Variants in CTNNA3 observed in about 807,000 individuals in gnomAD.
CTNNA3 encodes the protein catenin alpha-3.
Under a neutral mutation model 95.7 loss-of-function variants are expected in CTNNA3, and 76 were observed. The ratio of observed to expected loss-of-function variants is 0.79; its 90% CI spans 0.66 to 0.96. The LOEUF (loss-of-function observed/expected upper bound fraction) is 0.96, where lower values mean the gene tolerates loss of function less well. Among genes scored for constraint, CTNNA3 ranks in the 40% least tolerant of loss-of-function variants. The probability of loss-of-function intolerance (pLI) is 0.00; values close to 1 mark genes in which losing one functional copy is unlikely to be tolerated. For synonymous variants in CTNNA3, 431 were observed against 374.4 expected, an observed-to-expected ratio of 1.15 and a Z score of -1.74; for missense variants, 1,191 against 1,089.8, an observed-to-expected ratio of 1.09 and a Z score of -1.31.
intron 5 of CTNNA3, among the ~76,000 whole-genome samples, chr10:67,474,165 T>C (rs1389679522): frequency 2.0e-5 from 3 of 152,184 alleles, no homozygotes; most frequent in African/African-American, 7.2e-5. Flanking sequence ...TCTATATACT[T>C]CAGGTATATG....
chr10:67,383,824 G>A (rs910662979), intron 5 of CTNNA3, among the ~76,000 whole-genome samples: 1 of 152,158 alleles, frequency 6.6e-6, no homozygotes, highest in Non-Finnish European at 1.5e-5. Flanking sequence ...AAACAGTGAC[G>A]TTTACTAGAA....
intron 5 of CTNNA3, among the ~76,000 whole-genome samples, chr10:67,318,876 A>G (rs1427497623): frequency 2.6e-5 from 4 of 152,214 alleles, no homozygotes; most frequent in Non-Finnish European, 4.4e-5. Context: ...AAAACTTAAC[A>G]TAGCAGACCT....
intron 13 of CTNNA3, among the ~76,000 whole-genome samples, chr10:66,150,368 C>T (rs1295597465): frequency 6.6e-6 from 1 of 152,140 alleles, no homozygotes; most frequent in Non-Finnish European, 1.5e-5. Context: ...TAAGCCTCTA[C>T]TTTTGGAAAT....
chr10:66,234,512 C>A (rs1379010512), intron 13 of CTNNA3, among the ~76,000 whole-genome samples: 1 of 152,072 alleles, frequency 6.6e-6, no homozygotes, highest in Non-Finnish European at 1.5e-5. Context: ...TTATGCACCC[C>A]ACATACATAA....
chr10:65,993,072 T>C (rs10996812), intron 15 of CTNNA3, among the ~76,000 whole-genome samples: 40,481 of 152,080 alleles, frequency 0.27, 5,915 homozygotes, highest in Non-Finnish European at 0.33. Flanking sequence ...TTTTACTCAT[T>C]TCTAGTTTTA....
At chr10:66,533,249 T>C (rs554838623) in intron 10 of CTNNA3, among the ~76,000 whole-genome samples, 1 of 152,284 alleles carries the variant, frequency 6.6e-6, no homozygotes, top group East Asian at 1.9e-4. Context: ...CTTTTCTTTC[T>C]GTAGGGATTT....
At chr10:65,948,041 G>C (rs2077546360) in intron 17 of CTNNA3, among the ~76,000 whole-genome samples, 2 of 152,162 alleles carry the variant, frequency 1.3e-5, no homozygotes, top group African/African-American at 4.8e-5. Context: ...ACTTTGGGAG[G>C]CCAAGGTGGG....
At chr10:67,005,875 A>G (rs113258169) in intron 7 of CTNNA3, among the ~76,000 whole-genome samples, 2,467 of 151,566 alleles carry the variant, frequency 0.016, 86 homozygotes, top group African/African-American at 0.056. Context: ...TAGTAGAGGC[A>G]GGGTATCACC....
At position 66,254,355 on chromosome 10, in the gene CTNNA3, A is replaced by G. The variant is rs1589861792; in HGVS notation, c.1884+26115T>C. 3.3e-5 allele frequency among the ~76,000 whole-genome samples: 5 copies of G among 152,198 alleles called. 1 individual carries two copies. The South Asian group carries it at 1.0e-3, about 32-fold the overall frequency. On this transcript the variant is annotated intron_variant, in intron 13 of 17. Coordinates refer to ENST00000433211, the MANE Select transcript of CTNNA3 (RefSeq NM_013266.4). ...ATCTCTGGAATGTATGCATATTGAA[A>G]CTCATTGTGCAACCCTTGCTGACAT...
chr10:67,128,667 T>A (rs1397485461), intron 7 of CTNNA3, among the ~76,000 whole-genome samples: 1 of 152,136 alleles, frequency 6.6e-6, no homozygotes, highest in Admixed American at 6.6e-5. Flanking sequence ...TTGGCAAAGG[T>A]TTGGGCATTA....
intron 11 of CTNNA3, among the ~76,000 whole-genome samples, chr10:66,461,954 A>G (rs2093532896): frequency 6.6e-6 from 1 of 151,518 alleles, no homozygotes; most frequent in African/African-American, 2.4e-5. Flanking sequence ...CTGGGATTAC[A>G]GGTGCGTGCC....
intron 16 of CTNNA3, among the ~76,000 whole-genome samples, chr10:65,984,299 G>A (rs1366208844): frequency 6.6e-6 from 1 of 151,080 alleles, no homozygotes; most frequent in African/African-American, 2.4e-5. Flanking sequence ...TGCCTAAAAT[G>A]TCTTAATCTA....
chr10:66,389,910 AT>A (rs2092922998), intron 11 of CTNNA3, among the ~76,000 whole-genome samples: 1 of 151,958 alleles, frequency 6.6e-6, no homozygotes, highest in African/African-American at 2.4e-5. Context: ...GGCTGTTTTA[AT>A]TTTTTATAGA....
chr10:66,705,236 C>T (rs1336598527), intron 9 of CTNNA3, among the ~76,000 whole-genome samples: 3 of 151,864 alleles, frequency 2.0e-5, no homozygotes, highest in African/African-American at 7.3e-5. Context: ...ATATGTTAAG[C>T]TTTTAGATAC....
intron 15 of CTNNA3, among the ~76,000 whole-genome samples, chr10:66,063,296 A>ATCTC (rs200628758): frequency 4.2e-4 from 52 of 124,274 alleles, no homozygotes; most frequent in African/African-American, 1.4e-3. Flanking sequence ...GTATGTATAA[A>ATCTC]TCTCTCTCTC....
intron 9 of CTNNA3, among the ~76,000 whole-genome samples, chr10:66,702,777 T>C (rs1210140332): frequency 1.4e-5 from 2 of 148,102 alleles, no homozygotes; most frequent in African/African-American, 5.1e-5. Context: ...ATCGTCGTCG[T>C]CGTTGTCGTC....
intron 10 of CTNNA3, among the ~76,000 whole-genome samples, chr10:66,551,254 G>A (rs1405105001): frequency 1.3e-5 from 2 of 152,106 alleles, no homozygotes; most frequent in African/African-American, 4.8e-5. Flanking sequence ...CGGCTTGACA[G>A]TTCTATTCTT....
intron 16 of CTNNA3, among the ~76,000 whole-genome samples, chr10:65,969,882 G>A (rs2078058728): frequency 1.3e-5 from 2 of 152,034 alleles, no homozygotes; most frequent in Admixed American, 1.3e-4. Flanking sequence ...TTCAAATTTT[G>A]CTAGAGAGGT....
intron 15 of CTNNA3, among the ~76,000 whole-genome samples, chr10:66,026,972 T>C (rs570220062): frequency 6.6e-6 from 1 of 152,254 alleles, no homozygotes; most frequent in South Asian, 2.1e-4. Flanking sequence ...ATTTGTTTTT[T>C]ATTATAAACA....
Sources: gnomAD v4.1 joint callset for allele counts (sites outside exome capture counted in the v4.1 genomes callset) on GRCh38, gnomAD v4.1.1 for gene constraint, MANE v1.5 for transcripts, NCBI Gene and HGNC (gene_info 2026-07-23, HGNC 2026-07-21) for gene names.